Variants in SV2C observed in about 807,000 individuals in gnomAD.
SV2C encodes synaptic vesicle glycoprotein 2C, also known as solute carrier family 22 member B3.
A neutral mutation model predicts 79.7 loss-of-function variants in SV2C; 49 were observed. The ratio of observed to expected loss-of-function variants is 0.61; its 90% CI spans 0.49 to 0.78. The LOEUF (loss-of-function observed/expected upper bound fraction) is 0.78, where lower values mean the gene tolerates loss of function less well. SV2C is among the 30% of genes least tolerant of loss of function. The pLI is 0.00. For synonymous variants in SV2C, 334 were observed against 333.2 expected, an observed-to-expected ratio of 1.00 and a Z score of -0.03; for missense variants, 833 against 912.9, an observed-to-expected ratio of 0.91 and a Z score of 1.13.
chr5:76,312,942 A>AGG (rs1300787437), intron 12 of SV2C, among the ~76,000 whole-genome samples: 3 of 152,186 alleles, frequency 2.0e-5, no homozygotes, highest in Admixed American at 1.3e-4. Flanking sequence ...CCCTTCCCTT[A>AGG]GGACTGTCCT....
intron 2 of SV2C, among the ~76,000 whole-genome samples, chr5:76,154,929 G>A (rs1016623597): frequency 7.2e-5 from 11 of 152,128 alleles, no homozygotes; most frequent in Admixed American, 1.3e-4. Context: ...AAAGAGGAAA[G>A]AGAAAAATAA....
At chr5:76,321,767 A>C (rs1340916480) in intron 12 of SV2C, among the ~76,000 whole-genome samples, 1 of 151,504 alleles carries the variant, frequency 6.6e-6, no homozygotes, top group South Asian at 2.1e-4. Flanking sequence ...AAAAAAATTA[A>C]GTTTTCTGCC....
chr5:75,876,742 A>G, the SV2C span, among the ~76,000 whole-genome samples: 1 of 152,128 alleles, frequency 6.6e-6, no homozygotes, highest in African/African-American at 2.4e-5. Context: ...AAATTAAGCC[A>G]GTAAATTTGA....
the SV2C span, among the ~76,000 whole-genome samples, chr5:75,944,995 A>T: frequency 6.6e-6 from 1 of 152,112 alleles, no homozygotes; most frequent in Non-Finnish European, 1.5e-5. Flanking sequence ...GTGAAAAAAA[A>T]CCCACACAAA....
At chr5:75,878,963 G>A in the SV2C span, among the ~76,000 whole-genome samples, 3 of 152,226 alleles carry the variant, frequency 2.0e-5, no homozygotes, top group Non-Finnish European at 2.9e-5. Context: ...GAAGGTGAAG[G>A]AGGAGCAGGC....
intron 3 of SV2C, among the ~76,000 whole-genome samples, chr5:76,207,923 A>G (rs1014776217): frequency 6.6e-6 from 1 of 152,262 alleles, no homozygotes; most frequent in Non-Finnish European, 1.5e-5. Flanking sequence ...AGAGAATTGT[A>G]TGAGTCTAAT....
chr5:76,173,962 A>G (rs1192351931), intron 2 of SV2C: 2 of 1,562,904 alleles, frequency 1.3e-6, no homozygotes, highest in Admixed American at 1.7e-5. Flanking sequence ...ACCCTTGTCC[A>G]TTTTTCATGT....
At chr5:76,338,203 A>G (rs1749365069), downstream of SV2C, among the ~76,000 whole-genome samples, 1 of 152,252 alleles carries the variant, frequency 6.6e-6, no homozygotes, top group Non-Finnish European at 1.5e-5. Context: ...CCCTGGGGCC[A>G]GAATGAAGTA....
intron 2 of SV2C, among the ~76,000 whole-genome samples, chr5:76,181,617 T>C (rs557859381): frequency 6.6e-6 from 1 of 152,006 alleles, no homozygotes; most frequent in South Asian, 2.1e-4. Context: ...GAAGGGGGGA[T>C]GTGCTGCACT....
At chr5:76,105,959 A>G (rs1747896570) in intron 1 of SV2C, among the ~76,000 whole-genome samples, 1 of 152,032 alleles carries the variant, frequency 6.6e-6, no homozygotes, top group African/African-American at 2.4e-5. Context: ...TGTGGCTTCA[A>G]ACTCCATCTA....
At chr5:76,103,697 A>G (rs1216600325) in intron 1 of SV2C, among the ~76,000 whole-genome samples, 3 of 152,232 alleles carry the variant, frequency 2.0e-5, no homozygotes, top group Non-Finnish European at 4.4e-5. Flanking sequence ...GGGCACCTAG[A>G]CTGTTTGTAT....
chr5:75,954,752 C>T, the SV2C span, among the ~76,000 whole-genome samples: 15 of 147,594 alleles, frequency 1.0e-4, no homozygotes, highest in East Asian at 5.9e-4. Flanking sequence ...CACAAATAAC[C>T]GACAAACAGA....
chr5:76,106,397 C>T (rs1747917591), intron 1 of SV2C, among the ~76,000 whole-genome samples: 1 of 152,192 alleles, frequency 6.6e-6, no homozygotes, highest in Non-Finnish European at 1.5e-5. Flanking sequence ...AGCATAGCAA[C>T]CAGAGCAATC....
intron 2 of SV2C, among the ~76,000 whole-genome samples, chr5:76,190,947 T>C (rs1480267506): frequency 6.6e-6 from 1 of 152,208 alleles, no homozygotes; most frequent in Admixed American, 6.5e-5. Flanking sequence ...TAAAAAGTGA[T>C]TGTGATTGTC....
the SV2C span, among the ~76,000 whole-genome samples, chr5:76,049,682 G>C: frequency 6.6e-6 from 1 of 152,192 alleles, no homozygotes; most frequent in Non-Finnish European, 1.5e-5. Flanking sequence ...GAAATAAGTT[G>C]TTTGTAGGTT....
At chr5:75,902,198 G>A in the SV2C span, among the ~76,000 whole-genome samples, 1 of 152,208 alleles carries the variant, frequency 6.6e-6, no homozygotes, top group Non-Finnish European at 1.5e-5. Context: ...GCTGGGAGCT[G>A]TGGACCGGAG....
intron 1 of SV2C, among the ~76,000 whole-genome samples, chr5:76,115,225 C>T (rs1432587613): frequency 6.6e-6 from 1 of 152,210 alleles, no homozygotes; most frequent in African/African-American, 2.4e-5. Flanking sequence ...TTTAGTTTTC[C>T]ATCTTTGAGT....
At chr5:76,341,593 T>A (rs1285057248) in intron 12 of SV2C, among the ~76,000 whole-genome samples, 2 of 152,172 alleles carry the variant, frequency 1.3e-5, no homozygotes, top group African/African-American at 4.8e-5. Flanking sequence ...AAAGCAAAAA[T>A]TAGTTTTTCC....
intron 12 of SV2C, among the ~76,000 whole-genome samples, chr5:76,346,793 C>T (rs1247136781): frequency 6.6e-6 from 1 of 152,194 alleles, no homozygotes; most frequent in African/African-American, 2.4e-5. Context: ...GCATACAAGG[C>T]CCTCAGTGAT....
Sources: allele counts gnomAD v4.1 joint callset (sites outside exome capture counted in the v4.1 genomes callset), GRCh38; gene constraint gnomAD v4.1.1; transcripts MANE v1.5; gene names NCBI Gene and HGNC (gene_info 2026-07-23, HGNC 2026-07-21).